The following RBFOX1 variants were observed in gnomAD, a reference collection of about 807,000 sequenced individuals.
The protein encoded by RBFOX1 is RNA binding fox-1 homolog 1.
In RBFOX1, 8 loss-of-function variants were observed where a neutral mutation model predicts 57.7. The ratio of observed to expected loss-of-function variants is 0.14; its 90% CI spans 0.08 to 0.25. The LOEUF is 0.25. Among genes scored for constraint, RBFOX1 ranks in the 10% least tolerant of loss-of-function variants. RBFOX1 has a pLI of 1.00. For synonymous variants in RBFOX1, 326 were observed against 222.4 expected, an observed-to-expected ratio of 1.47 and a Z score of -4.15; for missense variants, 611 against 548.5, an observed-to-expected ratio of 1.11 and a Z score of -1.14.
intron 3 of RBFOX1, among the ~76,000 whole-genome samples, chr16:6,923,162 A>G (rs1174649154): frequency 6.6e-6 from 1 of 152,200 alleles, no homozygotes; most frequent in African/African-American, 2.4e-5. Flanking sequence ...GAGTCTGAGA[A>G]TAAATACCCT....
rs923490173 is a variant in RBFOX1 at position 7,166,814 on chromosome 16, G to A, written c.27+114716G>A. Among the ~76,000 whole-genome samples the A allele has an allele frequency of 1.5e-4, 23 of 152,144 alleles. 1 individual carries two copies. Among genetic ancestry groups the A allele is most frequent in the African/African-American group, 5.1e-4 (21 of 41,498 alleles). ...CCAAAGGAGTGCTGCTCCAACCCAT[G>A]CGGCATCTCTCCCAGGTTGTGAAAC... On this transcript the variant is annotated intron_variant, in intron 4 of 15. Transcript: ENST00000550418.
At chr16:5,332,636 ATT>A (rs2064786898) in intron 1 of RBFOX1, among the ~76,000 whole-genome samples, 1 of 133,972 alleles carries the variant, frequency 7.5e-6, no homozygotes, top group African/African-American at 3.2e-5. Flanking sequence ...CATATCGTAT[ATT>A]TATATTTTTA....
intron 2 of RBFOX1, among the ~76,000 whole-genome samples, chr16:5,569,111 A>T (rs1439026310): frequency 6.6e-6 from 1 of 151,964 alleles, no homozygotes. Context: ...TGGTCTCCCA[A>T]AGTGCTGGGA....
chr16:7,555,775 A>G (rs528395270), intron 5 of RBFOX1, among the ~76,000 whole-genome samples: 7 of 152,182 alleles, frequency 4.6e-5, no homozygotes, highest in East Asian at 1.9e-4. Flanking sequence ...TTGTGATTCA[A>G]ATGTCACCTT....
intron 3 of RBFOX1, among the ~76,000 whole-genome samples, chr16:5,789,810 C>T (rs865804862): frequency 7.9e-5 from 12 of 152,154 alleles, no homozygotes; most frequent in South Asian, 2.1e-4. Context: ...TCCTTCTAAC[C>T]GCCAGGCCAA....
intron 4 of RBFOX1, among the ~76,000 whole-genome samples, chr16:5,948,553 G>C (rs1314481966): frequency 6.6e-6 from 1 of 152,188 alleles, no homozygotes; most frequent in African/African-American, 2.4e-5. Flanking sequence ...TCATTGACTG[G>C]TCTCCTTAAA....
At chr16:6,856,905 AAAAG>A (rs945542077) in intron 3 of RBFOX1, among the ~76,000 whole-genome samples, 28 of 152,130 alleles carry the variant, frequency 1.8e-4, no homozygotes, top group South Asian at 2.1e-4. Flanking sequence ...AGAGAAAGGG[AAAAG>A]AAAGAAAGAG....
At chr16:5,550,081 A>C (rs763874850) in intron 2 of RBFOX1, among the ~76,000 whole-genome samples, 2 of 152,228 alleles carry the variant, frequency 1.3e-5, no homozygotes, top group Non-Finnish European at 2.9e-5. Flanking sequence ...GCAAAATGTT[A>C]TGCTCAGATT....
At chr16:7,705,114 C>A (rs967487398) in intron 14 of RBFOX1, among the ~76,000 whole-genome samples, 2 of 150,418 alleles carry the variant, frequency 1.3e-5, no homozygotes, top group African/African-American at 4.9e-5. Context: ...AGGGAAGGGA[C>A]ATTTGATTTG....
At chr16:5,391,365 C>A (rs577735424) in intron 1 of RBFOX1, among the ~76,000 whole-genome samples, 1 of 152,194 alleles carries the variant, frequency 6.6e-6, no homozygotes, top group African/African-American at 2.4e-5. Flanking sequence ...CCATTTTCAT[C>A]TTTGAGAGGC....
At chr16:6,801,284 C>G (rs1378776363) in intron 3 of RBFOX1, among the ~76,000 whole-genome samples, 1 of 151,118 alleles carries the variant, frequency 6.6e-6, no homozygotes, top group South Asian at 2.1e-4. Context: ...ATGATTTTGT[C>G]CTTTAGAACA....
At chr16:6,834,722 G>A (rs980989742) in intron 3 of RBFOX1, among the ~76,000 whole-genome samples, 8 of 152,000 alleles carry the variant, frequency 5.3e-5, no homozygotes, top group African/African-American at 7.3e-5. Context: ...GGAGTTAAGC[G>A]TCCTCTCTGA....
chr16:7,533,931 A>G (rs2080807528), intron 5 of RBFOX1, among the ~76,000 whole-genome samples: 1 of 152,180 alleles, frequency 6.6e-6, no homozygotes, highest in Non-Finnish European at 1.5e-5. Flanking sequence ...AATTAATTCT[A>G]AAACCAATGG....
chr16:7,131,096 G>A (rs1422624907), intron 4 of RBFOX1, among the ~76,000 whole-genome samples: 1 of 152,110 alleles, frequency 6.6e-6, no homozygotes, highest in African/African-American at 2.4e-5. Flanking sequence ...TGTAATCCCA[G>A]CATTTTGGGA....
chr16:5,986,106 A>G (rs775572523), intron 4 of RBFOX1, among the ~76,000 whole-genome samples: 1 of 148,994 alleles, frequency 6.7e-6, no homozygotes, highest in Non-Finnish European at 1.5e-5. Flanking sequence ...CTTGTTACCC[A>G]GGCTGGGTGC....
At chr16:6,333,261 T>C (rs1004211943) in intron 2 of RBFOX1, among the ~76,000 whole-genome samples, 2 of 152,172 alleles carry the variant, frequency 1.3e-5, no homozygotes, top group Non-Finnish European at 2.9e-5. Flanking sequence ...GCCAGGCTGG[T>C]CTTGAATTCC....
At chr16:7,379,588 A>G (rs981541147) in intron 4 of RBFOX1, among the ~76,000 whole-genome samples, 26 of 152,196 alleles carry the variant, frequency 1.7e-4, no homozygotes, top group Admixed American at 3.3e-4. Context: ...TAGACAATAA[A>G]GAAACTCAAA....
intron 3 of RBFOX1, among the ~76,000 whole-genome samples, chr16:6,977,553 G>A (rs2087375001): frequency 6.6e-6 from 1 of 152,042 alleles, no homozygotes; most frequent in South Asian, 2.1e-4. Context: ...GAAGACCTCT[G>A]ACAATTGGAC....
At chr16:6,645,575 G>A (rs910898867) in intron 2 of RBFOX1, among the ~76,000 whole-genome samples, 3 of 152,076 alleles carry the variant, frequency 2.0e-5, no homozygotes, top group Non-Finnish European at 4.4e-5. Context: ...AGTCTCTCTC[G>A]GGAGAGAGAA....
Sources: allele counts gnomAD v4.1 joint callset (sites outside exome capture counted in the v4.1 genomes callset), GRCh38; gene constraint gnomAD v4.1.1; transcripts MANE v1.5; gene names NCBI Gene and HGNC (gene_info 2026-07-23, HGNC 2026-07-21).